Variants in PLAAT3 observed in about 807,000 individuals in gnomAD.
The protein encoded by PLAAT3 is phospholipase A and acyltransferase 3, also known as Ca-independent phospholipase A1/2.
PLAAT3 carries 21 observed loss-of-function variants against 16.7 expected under a neutral mutation model. The ratio of observed to expected loss-of-function variants is 1.26; its 90% CI spans 0.89 to 1.81. The LOEUF is 1.81. PLAAT3 is among the 40% of genes most tolerant of loss of function. The pLI is 0.00. For missense variants in PLAAT3, 219 were observed against 213.7 expected (o/e 1.02, Z -0.16); for synonymous variants, 76 against 81.7 (o/e 0.93, Z 0.38).
chr11:63,612,974 TCAAA>T (rs1938729351), intron 2 of PLAAT3, among the ~76,000 whole-genome samples: 3 of 152,200 alleles, frequency 2.0e-5, no homozygotes, highest in Admixed American at 6.5e-5. Context: ...ACTCCAGGTG[TCAAA>T]CAAACATGCC....
At chr11:63,602,140 A>C (rs1449051684) in intron 2 of PLAAT3, among the ~76,000 whole-genome samples, 1 of 151,880 alleles carries the variant, frequency 6.6e-6, no homozygotes, top group Non-Finnish European at 1.5e-5. Context: ...AAATACAAAA[A>C]TTAGCCAGGC....
In PLAAT3 at chr11:63,590,124, G is replaced by A. The variant is rs201320686; in HGVS notation, c.363C>T (p.Arg121=). The change falls in exon 4 of 5, where the codon CGC becomes CGT. Residue 121 remains arginine, a synonymous_variant. Coordinates refer to ENST00000415826, the MANE Select transcript of PLAAT3 (RefSeq NM_001128203.2). ...ENCEHFVNEL[R]YGVARSDQVR... ...CCTGGTCACTGCGGGCGACTCCATAGCGCAGCTCATTCACAAAGTGCTCGC... is the reference window on the plus strand; with the variant it reads ...CCTGGTCACTGCGGGCGACTCCATAACGCAGCTCATTCACAAAGTGCTCGC... 9.9e-6 allele frequency: 16 copies of A among 1,614,036 alleles called. No homozygotes were observed. Among genetic ancestry groups the A allele is most frequent in the Middle Eastern group, 1.6e-4 (1 of 6,066 alleles).
At chr11:63,615,838 T>G (rs1263734794), upstream of PLAAT3, among the ~76,000 whole-genome samples, 1 of 152,060 alleles carries the variant, frequency 6.6e-6, no homozygotes, top group African/African-American at 2.4e-5. Context: ...CAGCTAATTT[T>G]TGTATTTTTA....
Position 63,605,774 on chromosome 11 carries a change from G to A in PLAAT3, c.16-7611C>T, listed in dbSNP as rs1242050387. Among the ~76,000 whole-genome samples the A allele has an allele frequency of 2.0e-5, 3 of 151,976 alleles. No individual in the cohort carries two copies. The South Asian group carries it at 6.2e-4, about 32-fold the overall frequency. On this transcript the variant is annotated intron_variant, in intron 2 of 4. Coordinates refer to ENST00000415826, the MANE Select transcript of PLAAT3 (RefSeq NM_001128203.2). ...TCACCATGTTAGCCAGGATGGTCTCGATCTCCTGACCTCGTGATCCACCCG... is the reference window on the plus strand; with the variant it reads ...TCACCATGTTAGCCAGGATGGTCTCAATCTCCTGACCTCGTGATCCACCCG...
chr11:63,577,084 A>C (rs1306888306), intron 4 of PLAAT3, among the ~76,000 whole-genome samples: 2 of 152,106 alleles, frequency 1.3e-5, no homozygotes, highest in East Asian at 3.8e-4. Flanking sequence ...TTAGGATATA[A>C]TTTGTTAACT....
intron 4 of PLAAT3, among the ~76,000 whole-genome samples, chr11:63,577,477 T>C (rs1937647989): frequency 6.6e-6 from 1 of 152,130 alleles, no homozygotes; most frequent in Non-Finnish European, 1.5e-5. Flanking sequence ...GCCAGGCAAG[T>C]GTACTTTTAA....
chr11:63,601,743 A>T (rs1177003117), intron 2 of PLAAT3, among the ~76,000 whole-genome samples: 1 of 152,200 alleles, frequency 6.6e-6, no homozygotes, highest in Non-Finnish European at 1.5e-5. Context: ...TGGGAGGCCA[A>T]GGTGGGCGGA....
intron 3 of PLAAT3, among the ~76,000 whole-genome samples, chr11:63,592,191 G>A (rs1036081627): frequency 6.6e-6 from 1 of 151,768 alleles, no homozygotes; most frequent in African/African-American, 2.4e-5. Context: ...TTTTGAGACA[G>A]AGTCTCACTC....
chr11:63,613,519 G>C (rs988629149), intron 2 of PLAAT3, among the ~76,000 whole-genome samples: 1 of 152,258 alleles, frequency 6.6e-6, no homozygotes, highest in Non-Finnish European at 1.5e-5. Flanking sequence ...TCAACACTAG[G>C]AGGGTCCACC....
At chr11:63,579,374 T>C (rs1937727265) in intron 4 of PLAAT3, among the ~76,000 whole-genome samples, 1 of 152,152 alleles carries the variant, frequency 6.6e-6, no homozygotes, top group Non-Finnish European at 1.5e-5. Context: ...CATTACTGGG[T>C]ATATACCCAA....
chr11:63,589,710 T>G (rs1046264362), intron 4 of PLAAT3, among the ~76,000 whole-genome samples: 3 of 152,156 alleles, frequency 2.0e-5, no homozygotes, highest in Non-Finnish European at 2.9e-5. Context: ...CAACAAAGAT[T>G]TTTTTGATGA....
Position 63,597,718 on chromosome 11 carries a change from G to A in PLAAT3, c.118+343C>T, listed in dbSNP as rs192557096. Among the ~76,000 whole-genome samples the A allele has an allele frequency of 1.9e-4, 29 of 152,214 alleles. No homozygotes were observed. The East Asian group carries it at 1.9e-3, about 10-fold the overall frequency. On this transcript the variant is annotated intron_variant, in intron 3 of 4. Coordinates refer to ENST00000415826, the MANE Select transcript of PLAAT3 (RefSeq NM_001128203.2). The stretch of plus-strand genomic sequence containing the variant: ...ATCTGACAGGAGGTGGAGCTCAGGC[G>A]GTAATACAAGCGATGGGGAGCAGCT...
chr11:63,612,417 G>A (rs2134436718), intron 2 of PLAAT3, among the ~76,000 whole-genome samples: 1 of 152,284 alleles, frequency 6.6e-6, no homozygotes, highest in South Asian at 2.1e-4. Flanking sequence ...ATTATGAAAT[G>A]GGATTTTTAT....
chr11:63,612,025 C>A (rs1394405558), intron 2 of PLAAT3, among the ~76,000 whole-genome samples: 2 of 152,196 alleles, frequency 1.3e-5, no homozygotes, highest in Admixed American at 6.5e-5. Flanking sequence ...GTAATCCCAG[C>A]TACTTGGGAG....
upstream of PLAAT3, chr11:63,614,600 A>G (rs1018275530): frequency 2.1e-4 from 32 of 154,064 alleles, no homozygotes; most frequent in South Asian, 6.5e-3. Flanking sequence ...CTGCGCGCCC[A>G]GCATCCAGGA....
chr11:63,594,584 G>A (rs1938236336), intron 3 of PLAAT3, among the ~76,000 whole-genome samples: 1 of 151,802 alleles, frequency 6.6e-6, no homozygotes. Context: ...AAAAAAGAGA[G>A]TCTGAGAGCA....
At chr11:63,577,039 C>T (rs1235697649) in intron 4 of PLAAT3, among the ~76,000 whole-genome samples, 2 of 152,078 alleles carry the variant, frequency 1.3e-5, no homozygotes, top group Non-Finnish European at 2.9e-5. Flanking sequence ...ATTTAAAAAC[C>T]TAGGGCAACA....
At chr11:63,586,025 C>T (rs1294268168) in intron 4 of PLAAT3, among the ~76,000 whole-genome samples, 1 of 152,008 alleles carries the variant, frequency 6.6e-6, no homozygotes, top group Non-Finnish European at 1.5e-5. Context: ...AAGACCAGCC[C>T]AGACAACAAA....
chr11:63,589,808 G>A (rs1016260626), intron 4 of PLAAT3, among the ~76,000 whole-genome samples: 5 of 152,116 alleles, frequency 3.3e-5, no homozygotes, highest in Admixed American at 1.3e-4. Flanking sequence ...GGCTGGGGAG[G>A]GCCATCTCAG....
Sources: gnomAD v4.1 joint callset for allele counts (sites outside exome capture counted in the v4.1 genomes callset) on GRCh38, gnomAD v4.1.1 for gene constraint, MANE v1.5 for transcripts, NCBI Gene and HGNC (gene_info 2026-07-23, HGNC 2026-07-21) for gene names.